TRPC4: variants seen among roughly 807,000 people sequenced by gnomAD.
The protein encoded by TRPC4 is transient receptor potential cation channel subfamily C member 4, also known as short transient receptor potential channel 4.
Under a neutral mutation model 99.4 loss-of-function variants are expected in TRPC4, and 49 were observed. The observed-to-expected ratio is 0.49, with a 90% CI of 0.39 to 0.63. The LOEUF (loss-of-function observed/expected upper bound fraction) is 0.63, where lower values mean the gene tolerates loss of function less well. Among genes scored for constraint, TRPC4 ranks in the 20% least tolerant of loss-of-function variants. The pLI is 0.00. For missense variants in TRPC4, 898 were observed against 1,152.9 expected (o/e 0.78, Z 3.20); for synonymous variants, 454 against 425.9 (o/e 1.07, Z -0.81).
At chr13:37,812,782 G>A (rs185493835) in intron 1 of TRPC4, among the ~76,000 whole-genome samples, 4 of 152,006 alleles carry the variant, frequency 2.6e-5, no homozygotes, top group South Asian at 2.1e-4. Flanking sequence ...TCCCAAGCAC[G>A]AGAAACATAA....
chr13:37,817,373 G>A lies in TRPC4; in HGVS notation c.-27-34013C>T, dbSNP rs544442665. Among the ~76,000 whole-genome samples, 3 of 152,150 alleles carry A rather than the reference G, an allele frequency of 2.0e-5. No individual in the cohort carries two copies. The East Asian group carries it at 5.8e-4, about 29-fold the overall frequency. On this transcript the variant is annotated intron_variant, in intron 1 of 10. Coordinates refer to ENST00000379705, the MANE Select transcript of TRPC4 (RefSeq NM_016179.4). ...AAGCACAAAGCTCAAAGGAATCACAGATGACACAAACAAATGGAAAAACAT... is the reference window on the plus strand; with the variant it reads ...AAGCACAAAGCTCAAAGGAATCACAAATGACACAAACAAATGGAAAAACAT...
At chr13:37,814,399 A>G (rs561531055) in intron 1 of TRPC4, among the ~76,000 whole-genome samples, 2 of 151,936 alleles carry the variant, frequency 1.3e-5, no homozygotes, top group Admixed American at 6.6e-5. Flanking sequence ...TTTCAAGATG[A>G]CATGATCTTC....
At chr13:37,746,486 AT>A (rs1955785557) in intron 2 of TRPC4, 31 bp from the exon 3 acceptor site, 3 of 1,557,096 alleles carry the variant, frequency 1.9e-6, no homozygotes, top group Non-Finnish European at 2.6e-6. Flanking sequence ...GGTGATGAAT[AT>A]TTATTCTTTT....
rs150017511 is a variant in TRPC4 at position 37,675,029 on chromosome 13, G to A, written c.1235-662C>T. On this transcript the variant is annotated intron_variant, in intron 4 of 10. Coordinates refer to ENST00000379705, the MANE Select transcript of TRPC4 (RefSeq NM_016179.4). ...TATCTTATTAAAATTTTATAATTTC[G>A]TATTTAGAGCCTAATGATGAGAGAG... 2.2e-3 allele frequency among the ~76,000 whole-genome samples: 327 copies of A among 151,438 alleles called. 3 individuals carry two copies. Among genetic ancestry groups the A allele is most frequent in the East Asian group, 0.015 (78 of 5,156 alleles).
At position 37,698,003 on chromosome 13, in the gene TRPC4, G is replaced by A. The variant is rs118040336; in HGVS notation, c.898-5668C>T. ...CGTGCATGAGTTCTTGAGTGATAGG[G>A]ACAAGCCATACAGTGGTGGTTCTCA... is the stretch of plus-strand genomic sequence containing the variant. On this transcript the variant is annotated intron_variant, in intron 3 of 10. Coordinates refer to ENST00000379705, the MANE Select transcript of TRPC4 (RefSeq NM_016179.4). 3.7e-4 allele frequency among the ~76,000 whole-genome samples: 56 copies of A among 151,682 alleles called. No homozygotes were observed. In the East Asian group the frequency reaches 7.0e-3, roughly 19 times the overall value.
At chr13:37,698,670 A>G (rs1340655471) in intron 3 of TRPC4, among the ~76,000 whole-genome samples, 1 of 152,230 alleles carries the variant, frequency 6.6e-6, no homozygotes, top group African/African-American at 2.4e-5. Flanking sequence ...ATATCTAATT[A>G]CGGGAATAAA....
chr13:37,676,053 T>C (rs1953034390), intron 4 of TRPC4, among the ~76,000 whole-genome samples: 1 of 152,108 alleles, frequency 6.6e-6, no homozygotes, highest in African/African-American at 2.4e-5. Flanking sequence ...CCTGACTTAT[T>C]GCCTCAAACC....
intron 1 of TRPC4, among the ~76,000 whole-genome samples, chr13:37,863,870 C>T (rs1172972488): frequency 6.6e-6 from 1 of 151,576 alleles, no homozygotes; most frequent in Non-Finnish European, 1.5e-5. Flanking sequence ...TCATTTATTT[C>T]ACTCATCTAT....
chr13:37,663,172 T>C (rs1034961421), intron 6 of TRPC4, among the ~76,000 whole-genome samples: 1 of 152,242 alleles, frequency 6.6e-6, no homozygotes, highest in Non-Finnish European at 1.5e-5. Context: ...GCTTTCTTTT[T>C]CATGAAGTCA....
At chr13:37,818,142 C>T (rs1957911980) in intron 1 of TRPC4, among the ~76,000 whole-genome samples, 2 of 151,524 alleles carry the variant, frequency 1.3e-5, no homozygotes, top group African/African-American at 2.4e-5. Flanking sequence ...TAGTATCCAG[C>T]ATCTGTAAGA....
rs4943525 is a variant in TRPC4, at chr13:37,632,102, C to T, written c.*4801G>A. Among the ~76,000 whole-genome samples, 82,250 of 151,960 alleles carry T rather than the reference C, an allele frequency of 0.54. 22,670 individuals are homozygous for T. The highest frequency in any genetic ancestry group is 0.61 in the Middle Eastern group (180 of 294). On this transcript the variant is annotated 3_prime_UTR_variant, in exon 11 of 11. Coordinates refer to ENST00000379705, the MANE Select transcript of TRPC4 (RefSeq NM_016179.4). Reference sequence around the variant, plus strand: ...CAAACTTTAATAGAGCTACACAAAACTTTTTTGAGTAATTAAAGATAGAAT... The same window carrying T: ...CAAACTTTAATAGAGCTACACAAAATTTTTTTGAGTAATTAAAGATAGAAT...
At chr13:37,714,258 C>G (rs1954588247) in intron 3 of TRPC4, among the ~76,000 whole-genome samples, 4 of 152,032 alleles carry the variant, frequency 2.6e-5, no homozygotes, top group Admixed American at 2.6e-4. Context: ...TCCTGAGCGG[C>G]TGGGACTACA....
intron 2 of TRPC4, among the ~76,000 whole-genome samples, chr13:37,758,623 A>G (rs1242836410): frequency 6.6e-6 from 1 of 151,800 alleles, no homozygotes; most frequent in Non-Finnish European, 1.5e-5. Flanking sequence ...ATGGTCATAT[A>G]TTTTGAAAAA....
At chr13:37,796,963 A>AAAGTAAAGTAAAGTAAAGTAAAG (rs1299554943) in intron 1 of TRPC4, among the ~76,000 whole-genome samples, 1 of 113,838 alleles carries the variant, frequency 8.8e-6, no homozygotes, top group African/African-American at 4.2e-5. Context: ...ATAAAATAAA[A>AAAGTAAAGTAAAGTAAAGTAAAG]TAAAATAAAG....
intron 1 of TRPC4, among the ~76,000 whole-genome samples, chr13:37,814,607 T>C (rs1165077710): frequency 1.3e-5 from 2 of 151,844 alleles, no homozygotes; most frequent in South Asian, 2.1e-4. Flanking sequence ...AGTGAAAGAC[T>C]TGTAGTCTTG....
At chr13:37,821,380 G>A (rs1039063833) in intron 1 of TRPC4, among the ~76,000 whole-genome samples, 8 of 151,862 alleles carry the variant, frequency 5.3e-5, no homozygotes, top group Admixed American at 1.3e-4. Flanking sequence ...GTTAAAATAG[G>A]ATACTGCCCA....
chr13:37,793,750 G>T (rs999165925), intron 1 of TRPC4, among the ~76,000 whole-genome samples: 1 of 152,106 alleles, frequency 6.6e-6, no homozygotes, highest in South Asian at 2.1e-4. Context: ...AAATGATGCA[G>T]TTAAGGAATT....
chr13:37,830,048 G>A (rs960748314), intron 1 of TRPC4, among the ~76,000 whole-genome samples: 1 of 152,104 alleles, frequency 6.6e-6, no homozygotes, highest in Non-Finnish European at 1.5e-5. Context: ...TCTTCTTGTG[G>A]TGACAAAAAT....
At chr13:37,638,677 T>A (rs2138526111) in intron 10 of TRPC4, among the ~76,000 whole-genome samples, 1 of 152,314 alleles carries the variant, frequency 6.6e-6, no homozygotes, top group East Asian at 1.9e-4. Flanking sequence ...AATTCACTGC[T>A]ATCAAAGTTT....
Sources: gnomAD v4.1 joint callset for allele counts (sites outside exome capture counted in the v4.1 genomes callset) on GRCh38, gnomAD v4.1.1 for gene constraint, MANE v1.5 for transcripts, NCBI Gene and HGNC (gene_info 2026-07-23, HGNC 2026-07-21) for gene names.